Variants in DLG2 observed in about 807,000 individuals in gnomAD.
DLG2 encodes the protein discs large MAGUK scaffold protein 2.
Under a neutral mutation model 132.5 loss-of-function variants are expected in DLG2, and 45 were observed. That is an observed-to-expected ratio of 0.34 (90% CI 0.27 to 0.44). The LOEUF is 0.44. DLG2 is among the 20% of genes least tolerant of loss of function. The pLI, the probability that DLG2 is intolerant of heterozygous loss-of-function variation, is 1.00. For synonymous variants in DLG2, 424 were observed against 419.6 expected, an observed-to-expected ratio of 1.01 and a Z score of -0.13; for missense variants, 1,045 against 1,196.9, an observed-to-expected ratio of 0.87 and a Z score of 1.87.
chr11:84,821,944 T>C (rs1195023387), intron 6 of DLG2, among the ~76,000 whole-genome samples: 1 of 151,552 alleles, frequency 6.6e-6, no homozygotes. Context: ...AGATGACTAT[T>C]TGATGAAAAA....
chr11:84,622,290 T>C (rs1038332853), intron 6 of DLG2, among the ~76,000 whole-genome samples: 1 of 152,194 alleles, frequency 6.6e-6, no homozygotes, highest in African/African-American at 2.4e-5. Context: ...ATTGGTATAC[T>C]TCCAGTTCAC....
chr11:84,597,044 A>C (rs980393485), intron 6 of DLG2, among the ~76,000 whole-genome samples: 4 of 152,086 alleles, frequency 2.6e-5, no homozygotes, highest in African/African-American at 9.7e-5. Flanking sequence ...AAAATGGGGA[A>C]ACCCCATCTC....
At chr11:84,401,859 T>C (rs1024706631) in intron 7 of DLG2, among the ~76,000 whole-genome samples, 12 of 152,212 alleles carry the variant, frequency 7.9e-5, no homozygotes, top group African/African-American at 2.9e-4. Flanking sequence ...ATTGTATTTT[T>C]AGTAGAGACA....
chr11:85,082,027 C>T (rs536248108), intron 6 of DLG2, among the ~76,000 whole-genome samples: 1 of 152,148 alleles, frequency 6.6e-6, no homozygotes, highest in East Asian at 1.9e-4. Context: ...AATGGCTATC[C>T]ATAGTTTGTT....
At chr11:83,813,599 T>C (rs557076534) in intron 17 of DLG2, among the ~76,000 whole-genome samples, 12 of 152,266 alleles carry the variant, frequency 7.9e-5, no homozygotes, top group Admixed American at 7.2e-4. Flanking sequence ...GAGTGACTTG[T>C]TCAAGATCAG....
At chr11:84,326,387 C>T (rs774301332) in intron 7 of DLG2, among the ~76,000 whole-genome samples, 18 of 151,892 alleles carry the variant, frequency 1.2e-4, no homozygotes, top group Non-Finnish European at 2.6e-4. Flanking sequence ...ACTTTTAGTA[C>T]TGTTTTTATG....
At chr11:83,544,242 G>T (rs2096173788) in intron 19 of DLG2, among the ~76,000 whole-genome samples, 1 of 152,150 alleles carries the variant, frequency 6.6e-6, no homozygotes. Context: ...ATATCTTTTT[G>T]TGGTAATAAA....
chr11:85,191,162 G>A (rs61907837), intron 4 of DLG2, among the ~76,000 whole-genome samples: 7,220 of 139,840 alleles, frequency 0.052, 217 homozygotes, highest in East Asian at 0.1. Context: ...GCGCACGCGC[G>A]CACACACACA....
intron 9 of DLG2, among the ~76,000 whole-genome samples, chr11:84,156,281 T>C (rs2095427826): frequency 6.6e-6 from 1 of 152,232 alleles, no homozygotes; most frequent in Non-Finnish European, 1.5e-5. Context: ...GTCAAGTCCA[T>C]GTCTTTGCGT....
chr11:84,230,481 C>T (rs918508664), intron 8 of DLG2, among the ~76,000 whole-genome samples: 4 of 152,018 alleles, frequency 2.6e-5, no homozygotes, highest in African/African-American at 9.7e-5. Context: ...TGAATATGTA[C>T]CTTAGTTGTA....
chr11:83,745,764 T>C (rs1359644662), intron 18 of DLG2, among the ~76,000 whole-genome samples: 1 of 151,882 alleles, frequency 6.6e-6, no homozygotes, highest in African/African-American at 2.4e-5. Context: ...ATCATGCCAC[T>C]GCACTCCAGC....
At position 85,045,313 on chromosome 11, in the gene DLG2, T is replaced by C. The variant is rs1022143956; in HGVS notation, c.357+66348A>G. On this transcript the variant is annotated intron_variant, in intron 6 of 27. Coordinates refer to ENST00000376104, the MANE Select transcript of DLG2 (RefSeq NM_001142699.3). ...TCCAACCTAGGCTTAATGAGTAATATAGGTAATATTTTGGCTCCATCTGCC... is the reference window on the plus strand; with the variant it reads ...TCCAACCTAGGCTTAATGAGTAATACAGGTAATATTTTGGCTCCATCTGCC... Among the ~76,000 whole-genome samples the C allele has an allele frequency of 1.2e-4, 18 of 152,160 alleles. No individual in the cohort carries two copies. The East Asian group carries it at 3.1e-3, about 26-fold the overall frequency.
chr11:84,751,768 T>C (rs1421024594), intron 6 of DLG2, among the ~76,000 whole-genome samples: 1 of 152,186 alleles, frequency 6.6e-6, no homozygotes, highest in African/African-American at 2.4e-5. Context: ...CACAAGGCAG[T>C]AATGTGTAGC....
intron 7 of DLG2, among the ~76,000 whole-genome samples, chr11:84,460,376 C>T (rs185733408): frequency 3.3e-5 from 5 of 150,690 alleles, no homozygotes; most frequent in African/African-American, 1.2e-4. Flanking sequence ...AATATTGCTT[C>T]ATCAAGCAAA....
rs954090320 is a variant in DLG2, at chr11:84,701,847, A to AC, written c.358-167117dup. Among the ~76,000 whole-genome samples, 76 of 151,554 alleles carry AC rather than the reference A, an allele frequency of 5.0e-4. 1 individual carries two copies. Among genetic ancestry groups the AC allele is most frequent in the African/African-American group, 1.8e-3 (74 of 41,428 alleles). ...GTCTTTGCAGATGTATCCAGATCAC[A>AC]CCTTATTTTTCTTCTTTATTTCTCT... On this transcript the variant is annotated intron_variant, in intron 6 of 27. Coordinates refer to ENST00000376104, the MANE Select transcript of DLG2 (RefSeq NM_001142699.3).
At chr11:84,392,306 A>G (rs527925266) in intron 7 of DLG2, among the ~76,000 whole-genome samples, 3 of 152,276 alleles carry the variant, frequency 2.0e-5, no homozygotes, top group African/African-American at 7.2e-5. Context: ...ACGTAGTGCA[A>G]TATTTCAGTT....
intron 3 of DLG2, among the ~76,000 whole-genome samples, chr11:85,331,837 T>A (rs2152840866): frequency 6.6e-6 from 1 of 152,372 alleles, no homozygotes. Context: ...ATGGTGTAAA[T>A]GTACCACATT....
intron 6 of DLG2, among the ~76,000 whole-genome samples, chr11:84,599,333 G>A (rs1189910901): frequency 6.6e-6 from 1 of 152,164 alleles, no homozygotes; most frequent in African/African-American, 2.4e-5. Flanking sequence ...TGTGTCATAT[G>A]TCAGCATCCA....
chr11:83,777,180 G>A (rs1041700806), intron 18 of DLG2, among the ~76,000 whole-genome samples: 2 of 152,148 alleles, frequency 1.3e-5, no homozygotes, highest in Non-Finnish European at 2.9e-5. Context: ...CAATGTGCCA[G>A]CAATTCTTTA....
Sources: allele counts gnomAD v4.1 joint callset (sites outside exome capture counted in the v4.1 genomes callset), GRCh38; gene constraint gnomAD v4.1.1; transcripts MANE v1.5; gene names NCBI Gene and HGNC (gene_info 2026-07-23, HGNC 2026-07-21).